Variants in PARD3 observed in about 807,000 individuals in gnomAD.
The protein encoded by PARD3 is par-3 family cell polarity regulator.
PARD3 carries 75 observed loss-of-function variants against 155.4 expected under a neutral mutation model. The ratio of observed to expected loss-of-function variants is 0.48; its 90% CI spans 0.40 to 0.58. The LOEUF (loss-of-function observed/expected upper bound fraction) is 0.58. Among genes scored for constraint, PARD3 ranks in the 20% least tolerant of loss-of-function variants. PARD3 has a pLI of 0.00. For missense variants in PARD3, 1,642 were observed against 1,721.7 expected, an observed-to-expected ratio of 0.95 and a Z score of 0.82; for synonymous variants, 576 against 610.5, an observed-to-expected ratio of 0.94 and a Z score of 0.83.
chr10:34,128,979 A>G (rs1458244843), intron 23 of PARD3, among the ~76,000 whole-genome samples: 1 of 152,168 alleles, frequency 6.6e-6, no homozygotes, highest in Non-Finnish European at 1.5e-5. Context: ...GGTGATGCTA[A>G]AGGTGCTGTT....
At chr10:34,353,649 A>C (rs1006659897) in intron 14 of PARD3, among the ~76,000 whole-genome samples, 14 of 152,210 alleles carry the variant, frequency 9.2e-5, no homozygotes, top group African/African-American at 2.9e-4. Flanking sequence ...CTGACCTTCC[A>C]TCCACTATTG....
chr10:34,594,171 C>T (rs1013468873), intron 2 of PARD3, among the ~76,000 whole-genome samples: 1 of 152,146 alleles, frequency 6.6e-6, no homozygotes, highest in Non-Finnish European at 1.5e-5. Flanking sequence ...GAGGACAATA[C>T]AGAGCACAGG....
chr10:34,695,655 T>C (rs1447890724), intron 2 of PARD3, among the ~76,000 whole-genome samples: 1 of 151,974 alleles, frequency 6.6e-6, no homozygotes, highest in Non-Finnish European at 1.5e-5. Context: ...AGTAGGTGGA[T>C]AGGTCCAGGA....
At chr10:34,187,685 C>T (rs571184364) in intron 22 of PARD3, among the ~76,000 whole-genome samples, 3 of 152,306 alleles carry the variant, frequency 2.0e-5, no homozygotes, top group Admixed American at 6.5e-5. Context: ...TCACGTTTTA[C>T]GGCTAAATTG....
At chr10:34,621,195 GT>G (rs924036794) in intron 2 of PARD3, among the ~76,000 whole-genome samples, 6 of 151,924 alleles carry the variant, frequency 3.9e-5, no homozygotes, top group Middle Eastern at 3.4e-3. Flanking sequence ...TTTTGTTTTT[GT>G]TTTTTTGGGG....
chr10:34,799,367 G>A (rs955192391), intron 1 of PARD3, among the ~76,000 whole-genome samples: 3 of 152,074 alleles, frequency 2.0e-5, no homozygotes, highest in East Asian at 1.9e-4. Context: ...ATACGGAGGT[G>A]TCTAGAATGG....
chr10:34,326,020 C>T (rs963672358), intron 19 of PARD3, among the ~76,000 whole-genome samples: 19 of 150,642 alleles, frequency 1.3e-4, no homozygotes, highest in African/African-American at 4.2e-4. Context: ...ACTTGGGAGG[C>T]TGAGGTAGGA....
chr10:34,171,342 T>C (rs531987267), intron 22 of PARD3, among the ~76,000 whole-genome samples: 5 of 152,332 alleles, frequency 3.3e-5, no homozygotes, highest in African/African-American at 7.2e-5. Flanking sequence ...TGCAGCATCA[T>C]GTTCAGCAAT....
intron 1 of PARD3, among the ~76,000 whole-genome samples, chr10:34,800,317 T>A (rs1449980059): frequency 6.6e-6 from 1 of 152,002 alleles, no homozygotes; most frequent in African/African-American, 2.4e-5. Flanking sequence ...TTGATAATAA[T>A]GTTAATACTG....
At chr10:34,218,802 T>C (rs1952137640) in intron 22 of PARD3, among the ~76,000 whole-genome samples, 1 of 139,724 alleles carries the variant, frequency 7.2e-6, no homozygotes, top group Non-Finnish European at 1.5e-5. Flanking sequence ...GGAGGAGGGA[T>C]GTCGTGTGGG....
chr10:34,528,470 C>CT (rs2082622570), intron 2 of PARD3, among the ~76,000 whole-genome samples: 1 of 152,220 alleles, frequency 6.6e-6, no homozygotes, highest in Admixed American at 6.5e-5. Flanking sequence ...CCTCAAACAA[C>CT]TCACCAGCTG....
At chr10:34,684,840 C>CAG (rs1290172382) in intron 2 of PARD3, among the ~76,000 whole-genome samples, 1 of 138,210 alleles carries the variant, frequency 7.2e-6, no homozygotes, top group Non-Finnish European at 1.6e-5. Flanking sequence ...CATATATACA[C>CAG]ACACACATAT....
At chr10:34,533,234 T>G (rs149330309) in intron 2 of PARD3, among the ~76,000 whole-genome samples, 34 of 152,206 alleles carry the variant, frequency 2.2e-4, no homozygotes, top group African/African-American at 7.5e-4. Flanking sequence ...TAAGTACACC[T>G]GGACATAAAG....
chr10:34,272,307 T>C (rs975289895), intron 21 of PARD3, among the ~76,000 whole-genome samples: 3 of 152,136 alleles, frequency 2.0e-5, no homozygotes, highest in African/African-American at 4.8e-5. Context: ...AGTATATACA[T>C]TGAACATCAT....
chr10:34,757,884 G>T (rs181303860), intron 1 of PARD3, among the ~76,000 whole-genome samples: 16 of 152,166 alleles, frequency 1.1e-4, no homozygotes, highest in Admixed American at 7.2e-4. Context: ...CACTGGAAGG[G>T]TTCTGCTGAT....
chr10:34,682,368 T>C (rs897012807), intron 2 of PARD3, among the ~76,000 whole-genome samples: 3 of 152,142 alleles, frequency 2.0e-5, no homozygotes, highest in Admixed American at 6.6e-5. Flanking sequence ...GCCTTAATAA[T>C]GTATTGAGAA....
At chr10:34,587,555 G>A (rs1283380078) in intron 2 of PARD3, among the ~76,000 whole-genome samples, 1 of 152,150 alleles carries the variant, frequency 6.6e-6, no homozygotes, top group African/African-American at 2.4e-5. Flanking sequence ...TTGGGCAGAG[G>A]AATTCATGTG....
intron 2 of PARD3, among the ~76,000 whole-genome samples, chr10:34,554,532 C>T (rs1370500432): frequency 1.3e-5 from 2 of 152,080 alleles, no homozygotes; most frequent in African/African-American, 4.8e-5. Flanking sequence ...TTAATACAAG[C>T]TTTATTCTTA....
intron 7 of PARD3, among the ~76,000 whole-genome samples, chr10:34,395,071 G>A (rs572705669): frequency 1.3e-5 from 2 of 152,208 alleles, no homozygotes; most frequent in African/African-American, 4.8e-5. Flanking sequence ...GTCTCACTCT[G>A]TCACCTAGGC....
Sources: allele counts gnomAD v4.1 joint callset (sites outside exome capture counted in the v4.1 genomes callset), GRCh38; gene constraint gnomAD v4.1.1; transcripts MANE v1.5; gene names NCBI Gene and HGNC (gene_info 2026-07-23, HGNC 2026-07-21).